FOXP2: variants seen among roughly 807,000 people sequenced by gnomAD.
The protein encoded by FOXP2 is forkhead box P2.
A neutral mutation model predicts 115.8 loss-of-function variants in FOXP2; 12 were observed. The observed-to-expected ratio is 0.10, with a 90% confidence interval of 0.07 to 0.17. The LOEUF is 0.17. FOXP2 is among the 10% of genes least tolerant of loss of function. The pLI is 1.00. For missense variants in FOXP2, 629 were observed against 843.5 expected (o/e 0.75, Z 3.15); for synonymous variants, 328 against 297.7 (o/e 1.10, Z -1.05).
At chr7:114,154,602 A>G (rs1303999600) in intron 1 of FOXP2, among the ~76,000 whole-genome samples, 1 of 152,156 alleles carries the variant, frequency 6.6e-6, no homozygotes, top group Non-Finnish European at 1.5e-5. Flanking sequence ...TGAACTTCAA[A>G]GTGTTATAAA....
At chr7:114,192,041 A>G (rs112548473) in intron 1 of FOXP2, among the ~76,000 whole-genome samples, 1,692 of 151,938 alleles carry the variant, frequency 0.011, 44 homozygotes, top group African/African-American at 0.039. Flanking sequence ...TGGTTCCAGC[A>G]ATTCTCCTGC....
intron 10 of FOXP2, among the ~76,000 whole-genome samples, chr7:114,657,143 G>A (rs1224913134): frequency 6.6e-6 from 1 of 152,052 alleles, no homozygotes; most frequent in Non-Finnish European, 1.5e-5. Flanking sequence ...TTTGCTAATT[G>A]GATGCTATTT....
intron 1 of FOXP2, among the ~76,000 whole-genome samples, chr7:114,254,735 C>G (rs1795557536): frequency 6.6e-6 from 1 of 152,126 alleles, no homozygotes; most frequent in Non-Finnish European, 1.5e-5. Context: ...GTGATGCATT[C>G]GAATTTCCTC....
chr7:114,248,975 T>C (rs2129169032), intron 1 of FOXP2, among the ~76,000 whole-genome samples: 1 of 152,322 alleles, frequency 6.6e-6, no homozygotes, highest in East Asian at 1.9e-4. Context: ...TTCAGAAATA[T>C]TTACTGTTCT....
chr7:114,539,329 T>G (rs1228720248), intron 3 of FOXP2, among the ~76,000 whole-genome samples: 2 of 152,064 alleles, frequency 1.3e-5, no homozygotes, highest in East Asian at 3.9e-4. Flanking sequence ...TGAATATTTC[T>G]TTTTCAATAT....
chr7:114,184,149 C>T (rs1287097429), intron 1 of FOXP2, among the ~76,000 whole-genome samples: 1 of 152,112 alleles, frequency 6.6e-6, no homozygotes, highest in Non-Finnish European at 1.5e-5. Flanking sequence ...ACTATTTTGC[C>T]ATCTTTTATT....
chr7:114,504,944 G>T (rs1423402174), intron 2 of FOXP2, among the ~76,000 whole-genome samples: 1 of 151,492 alleles, frequency 6.6e-6, no homozygotes, highest in East Asian at 1.9e-4. Flanking sequence ...GAACTACTAA[G>T]TCTCCAGACA....
At chr7:114,306,330 C>A (rs918457008) in intron 2 of FOXP2, among the ~76,000 whole-genome samples, 3 of 151,964 alleles carry the variant, frequency 2.0e-5, no homozygotes, top group Non-Finnish European at 2.9e-5. Context: ...ACAATATGGC[C>A]CAAATGGATC....
At chr7:114,358,592 A>G (rs1791671182) in intron 2 of FOXP2, among the ~76,000 whole-genome samples, 1 of 152,188 alleles carries the variant, frequency 6.6e-6, no homozygotes, top group Non-Finnish European at 1.5e-5. Flanking sequence ...CAAAATTTCC[A>G]GGCTGAGGTG....
intron 2 of FOXP2, among the ~76,000 whole-genome samples, chr7:114,374,619 G>C (rs1792096271): frequency 6.6e-6 from 1 of 152,084 alleles, no homozygotes; most frequent in Non-Finnish European, 1.5e-5. Context: ...AATTCCCGTG[G>C]CCATCTCTTT....
chr7:114,229,497 G>A (rs1309628054), intron 1 of FOXP2, among the ~76,000 whole-genome samples: 1 of 151,512 alleles, frequency 6.6e-6, no homozygotes, highest in Admixed American at 6.6e-5. Flanking sequence ...CATGTGTTAG[G>A]TCATAAAACA....
intron 2 of FOXP2, among the ~76,000 whole-genome samples, chr7:114,435,104 T>G (rs908654339): frequency 7.9e-5 from 12 of 152,194 alleles, no homozygotes; most frequent in Admixed American, 3.3e-4. Flanking sequence ...TCATATCTGC[T>G]TATTCATTAG....
intron 3 of FOXP2, among the ~76,000 whole-genome samples, chr7:114,626,423 G>A (rs1226330385): frequency 2.2e-4 from 33 of 151,678 alleles, no homozygotes; most frequent in Non-Finnish European, 3.0e-5. Context: ...TGTAGGTATA[G>A]GAATAATTAA....
At chr7:114,119,183 A>G (rs2129143404) in intron 1 of FOXP2, among the ~76,000 whole-genome samples, 1 of 152,270 alleles carries the variant, frequency 6.6e-6, no homozygotes, top group East Asian at 1.9e-4. Flanking sequence ...AATTCAGCTC[A>G]TTACCAGAGT....
At chr7:114,112,740 G>T (rs938005916) in intron 1 of FOXP2, among the ~76,000 whole-genome samples, 2 of 152,194 alleles carry the variant, frequency 1.3e-5, no homozygotes, top group Admixed American at 6.6e-5. Context: ...AGGAACACCG[G>T]TGGGAAACCT....
chr7:114,647,569 G>A (rs1390176668), intron 8 of FOXP2, among the ~76,000 whole-genome samples: 1 of 151,858 alleles, frequency 6.6e-6, no homozygotes, highest in Non-Finnish European at 1.5e-5. Flanking sequence ...GGATAAAAAA[G>A]TGTTGAGGAA....
chr7:114,192,817 A>T (rs1320272173), intron 1 of FOXP2, among the ~76,000 whole-genome samples: 1 of 152,236 alleles, frequency 6.6e-6, no homozygotes, highest in South Asian at 2.1e-4. Context: ...TAAAGTAATC[A>T]CATCAGCACA....
At chr7:114,320,301 A>G (rs1022978560) in intron 2 of FOXP2, among the ~76,000 whole-genome samples, 1 of 152,128 alleles carries the variant, frequency 6.6e-6, no homozygotes, top group South Asian at 2.1e-4. Context: ...TATCACTTCA[A>G]CTTTCAAAAC....
chr7:114,517,544 G>A (rs556389380), intron 2 of FOXP2, among the ~76,000 whole-genome samples: 3 of 152,120 alleles, frequency 2.0e-5, no homozygotes, highest in Non-Finnish European at 4.4e-5. Flanking sequence ...ATATCTAGTG[G>A]ATATATGCAG....
Sources: gnomAD v4.1 joint callset for allele counts (sites outside exome capture counted in the v4.1 genomes callset) on GRCh38, gnomAD v4.1.1 for gene constraint, MANE v1.5 for transcripts, NCBI Gene and HGNC (gene_info 2026-07-23, HGNC 2026-07-21) for gene names.